Variants in PTPN23 observed in about 807,000 individuals in gnomAD.
PTPN23 encodes the protein tyrosine-protein phosphatase non-receptor type 23.
Under a neutral mutation model 156.3 loss-of-function variants are expected in PTPN23, and 72 were observed. That is an observed-to-expected ratio of 0.46 (90% CI 0.38 to 0.56). The LOEUF (loss-of-function observed/expected upper bound fraction) is 0.56, where lower values mean the gene tolerates loss of function less well. Among genes scored for constraint, PTPN23 ranks in the 20% least tolerant of loss-of-function variants. The pLI, the probability that PTPN23 is intolerant of heterozygous loss-of-function variation, is 0.00. For missense variants in PTPN23, 1,974 were observed against 2,171.5 expected (o/e 0.91, Z 1.81); for synonymous variants, 957 against 899.6 (o/e 1.06, Z -1.14).
At position 47,407,362 on chromosome 3, in the gene PTPN23, G is replaced by A. The variant is rs777571900; in HGVS notation, c.918G>A (p.Gly306=). The part of the protein sequence containing the change: ...DALRFTMDVI[G]GKYNSAKKDN... ...TTCGCTTCACTATGGATGTCATTGG[G>A]GGAAAGTGAGTCTGTGGGGGTGGCC... The change falls in exon 11 of 25, where the codon GGG becomes GGA. Residue 306 remains glycine, a synonymous_variant. Transcript: ENST00000265562. The surrounding 1 kb of genome is among the most constrained non-coding windows in gnomAD (Gnocchi z 4.0). 6.2e-7 allele frequency: 1 copy of A among 1,613,990 alleles called. No homozygotes were observed. The highest frequency in any genetic ancestry group is 2.2e-5 in the East Asian group (1 of 44,874).
chr3:47,403,517 G>A (rs973799054), intron 2 of PTPN23, among the ~76,000 whole-genome samples: 6 of 151,940 alleles, frequency 3.9e-5, no homozygotes, highest in African/African-American at 1.5e-4. Flanking sequence ...ATTTTGGTGG[G>A]TATCCAGTTT....
chr3:47,412,859 C>T lies in PTPN23; in HGVS notation c.4585C>T (p.Leu1529Phe), dbSNP rs377029588. The part of the protein sequence containing the change: ...SLPGPAEPPG[L>F]PPASLPESTP... ...GCCAGGCCCTGCAGAGCCCCCAGGC[C>T]TCCCGCCAGCCAGCCTCCCAGAGTC... is the stretch of plus-strand genomic sequence containing the variant. Residue 1529 changes from leucine (L) to phenylalanine (F), a missense_variant, in exon 25 of 25, where the codon CTC (leucine) becomes TTC (phenylalanine). By Grantham distance (22) the Leu-to-Phe change is conservative. Coordinates refer to ENST00000265562, the MANE Select transcript of PTPN23 (RefSeq NM_015466.4). 23 of 1,613,398 alleles carry T rather than the reference C, an allele frequency of 1.4e-5. No individual in the cohort carries two copies. The African/African-American group carries it at 2.4e-4, about 17-fold the overall frequency.
chr3:47,398,719 C>T (rs184970104), intron 2 of PTPN23, among the ~76,000 whole-genome samples: 11 of 152,224 alleles, frequency 7.2e-5, no homozygotes, highest in African/African-American at 2.6e-4. Flanking sequence ...TGCACACCAC[C>T]GCATCCAGCC....
intron 2 of PTPN23, among the ~76,000 whole-genome samples, chr3:47,402,420 C>T (rs146642316): frequency 3.3e-5 from 5 of 152,166 alleles, no homozygotes; most frequent in African/African-American, 1.2e-4. Context: ...GCTGGAATTA[C>T]AGGTGCGCAC....
At position 47,405,953 on chromosome 3, in the gene PTPN23, C is replaced by T. The variant is rs573083721; in HGVS notation, c.453C>T (p.Ala151=). The T allele has an allele frequency of 1.3e-5, 21 of 1,613,928 alleles. No homozygotes were observed. The highest frequency in any genetic ancestry group is 2.7e-5 in the African/African-American group (2 of 75,054). The part of the protein sequence containing the change: ...KVSCTHFQCA[A]GAFAYLREHF... ...CCTGTACCCATTTCCAGTGCGCAGC[C>T]GGCGCCTTCGCCTACCTACGGGAGC... Residue 151 remains alanine (A), a synonymous_variant, in exon 6 of 25, where the codon GCC becomes GCT. Coordinates refer to ENST00000265562, the MANE Select transcript of PTPN23 (RefSeq NM_015466.4). The surrounding 1 kb of genome is among the most constrained non-coding windows in gnomAD (Gnocchi z 4.7).
intron 1 of PTPN23, among the ~76,000 whole-genome samples, chr3:47,389,039 C>CCCCACT (rs756648923): frequency 5.1e-4 from 77 of 152,118 alleles, no homozygotes; most frequent in Non-Finnish European, 9.1e-4. Context: ...CACTCCCCCA[C>CCCCACT]CCCACTCCCA....
intron 1 of PTPN23, among the ~76,000 whole-genome samples, chr3:47,390,042 C>T (rs1704738956): frequency 2.7e-5 from 4 of 146,432 alleles, no homozygotes; most frequent in African/African-American, 5.1e-5. Context: ...CATTGCACTC[C>T]AGCCTGGGTA....
chr3:47,382,620 C>T (rs1281167832), intron 1 of PTPN23, among the ~76,000 whole-genome samples: 1 of 147,024 alleles, frequency 6.8e-6, no homozygotes, highest in Non-Finnish European at 1.5e-5. Context: ...CTGTTTCATA[C>T]AAATACAATT....
chr3:47,405,280 G>A lies in PTPN23; in HGVS notation c.364+199G>A, dbSNP rs1351492615. On this transcript the variant is annotated intron_variant, in intron 4 of 24. Coordinates refer to ENST00000265562, the MANE Select transcript of PTPN23 (RefSeq NM_015466.4). This position sits in a 1 kb window ranked among gnomAD's most constrained non-coding sequence, Gnocchi z 4.7. The stretch of plus-strand genomic sequence containing the variant: ...GCCCGTGGGGAGCCTCTGCTGGGGC[G>A]AGGCTCTACTGGGCTGGCTGCCACA... The A allele has an allele frequency of 2.6e-5, 16 of 605,360 alleles. No homozygotes were observed. The highest frequency in any genetic ancestry group is 1.7e-4 in the South Asian group (9 of 51,492). The allele number at this position is 605,360 out of a possible 1,614,324, so 37.5% of individuals were successfully genotyped here.
At chr3:47,381,590 G>A (rs1704540392) in intron 1 of PTPN23, among the ~76,000 whole-genome samples, 1 of 152,194 alleles carries the variant, frequency 6.6e-6, no homozygotes, top group Non-Finnish European at 1.5e-5. Context: ...TCGGTGCGCT[G>A]TCAAGTCCAC....
At chr3:47,382,745 G>A (rs1294142212) in intron 1 of PTPN23, among the ~76,000 whole-genome samples, 5 of 117,682 alleles carry the variant, frequency 4.2e-5, no homozygotes, top group Non-Finnish European at 8.1e-5. Flanking sequence ...CTGGAGTGCA[G>A]TGGCGCAATC....
In PTPN23 at chr3:47,409,145, G is replaced by T. The variant is rs1373439845; in HGVS notation, c.1643-18G>T. ...AGCTGGGGGTTTCTCTGGCCTCACT[G>T]ACCACTGCTGCCCACAGAGGACAAG... is the stretch of plus-strand genomic sequence containing the variant. On this transcript the variant is annotated intron_variant, in intron 16 of 24. Coordinates refer to ENST00000265562, the MANE Select transcript of PTPN23 (RefSeq NM_015466.4). 1.9e-6 allele frequency: 3 copies of T among 1,610,210 alleles called. No homozygotes were observed. Among genetic ancestry groups the T allele is most frequent in the Admixed American group, 3.3e-5 (2 of 59,866 alleles).
rs547564033 is a variant in PTPN23, at chr3:47,391,684, G to C, written c.85-4459G>C. On this transcript the variant is annotated intron_variant, in intron 1 of 24. Transcript: ENST00000265562. Reference sequence around the variant, plus strand: ...GATGTTCCTAGTGATATCACGGGAAGCCTTGTTTCTAGGATGTAGGAGTCT... The same window carrying C: ...GATGTTCCTAGTGATATCACGGGAACCCTTGTTTCTAGGATGTAGGAGTCT... 4.6e-5 allele frequency among the ~76,000 whole-genome samples: 7 copies of C among 152,260 alleles called. No homozygotes were observed. The East Asian group carries it at 1.4e-3, about 29-fold the overall frequency.
chr3:47,411,167 C>T lies in PTPN23; in HGVS notation c.3369C>T (p.Ser1123=), dbSNP rs759599114. Residue 1123 remains serine (S), a synonymous_variant, in exon 20 of 25, where the codon AGC becomes AGT. Coordinates refer to ENST00000265562, the MANE Select transcript of PTPN23 (RefSeq NM_015466.4). This position sits in a 1 kb window ranked among gnomAD's most constrained non-coding sequence, Gnocchi z 6.3. ...GAAAADLLSS[S]PESQHGGTQS... The stretch of plus-strand genomic sequence containing the variant: ...CAGCTGCAGACCTGCTCTCCTCCAG[C>T]CCGGAGAGCCAGCATGGCGGCACTC... The T allele has an allele frequency of 5.6e-6, 9 of 1,601,900 alleles. No homozygotes were observed. The highest frequency in any genetic ancestry group is 2.7e-5 in the African/African-American group (2 of 74,632).
intron 1 of PTPN23, among the ~76,000 whole-genome samples, chr3:47,388,381 T>A (rs893289968): frequency 2.0e-5 from 3 of 151,390 alleles, no homozygotes; most frequent in African/African-American, 7.3e-5. Flanking sequence ...TTTTGCTTAT[T>A]TTTTTTTAGA....
Position 47,413,283 on chromosome 3 carries a change from T to G in PTPN23, c.*98T>G. ...CTTCTCAGTGGGCACAGTCTCTTAC[T>G]CCCATTTCTGCTGCCTTTGGCCCTG... On this transcript the variant is annotated 3_prime_UTR_variant, in exon 25 of 25. Coordinates refer to ENST00000265562, the MANE Select transcript of PTPN23 (RefSeq NM_015466.4). 6.8e-7 allele frequency: 1 copy of G among 1,479,066 alleles called. No homozygotes were observed. Among genetic ancestry groups the G allele is most frequent in the Non-Finnish European group, 9.1e-7 (1 of 1,093,926 alleles). 91.6% of individuals were successfully genotyped at this position (1,479,066 alleles called of 1,614,324 possible). A position where few individuals can be genotyped will look rare whatever the true frequency, so the allele number is the denominator to read the frequency against.
intron 15 of PTPN23, 117 bp downstream of exon 15, chr3:47,408,607 G>C: frequency 4.1e-6 from 6 of 1,456,584 alleles, no homozygotes; most frequent in Non-Finnish European, 3.7e-6. Context: ...CCTGGCTTGG[G>C]CATCCACACC....
At chr3:47,401,589 T>G (rs1445675293) in intron 2 of PTPN23, among the ~76,000 whole-genome samples, 1 of 152,250 alleles carries the variant, frequency 6.6e-6, no homozygotes, top group Non-Finnish European at 1.5e-5. Flanking sequence ...CCTGTGATTT[T>G]AGAGCTGTTA....
In PTPN23 at chr3:47,410,600, A is replaced by G; in HGVS notation, c.2802A>G (p.Ala934=). 6.2e-7 allele frequency: 1 copy of G among 1,608,196 alleles called. No homozygotes were observed. Among genetic ancestry groups the G allele is most frequent in the Non-Finnish European group, 8.5e-7 (1 of 1,178,804 alleles). Residue 934 remains alanine, a synonymous_variant, in exon 20 of 25, where the codon GCA becomes GCG. Transcript: ENST00000265562. ...YPAGAKQPIP[A]QHHFSSGIPA... is the part of the protein sequence containing the mutation. ...CAGGGGCTAAGCAACCCATCCCGGC[A>G]CAGCACCACTTCTCTTCTGGGATCC...
Sources: gnomAD v4.1 joint callset for allele counts (sites outside exome capture counted in the v4.1 genomes callset) on GRCh38, gnomAD v4.1.1 for gene constraint, Gnocchi (gnomAD v3.1) non-coding constraint, MANE v1.5 for transcripts, NCBI Gene and HGNC (gene_info 2026-07-23, HGNC 2026-07-21) for gene names.